Variants in WBP2NL observed in about 807,000 individuals in gnomAD.
WBP2NL encodes postacrosomal sheath WW domain-binding protein.
A neutral mutation model predicts 23.3 loss-of-function variants in WBP2NL; 27 were observed. That is an observed-to-expected ratio of 1.16 (90% CI 0.85 to 1.60). The LOEUF is 1.60. Ranked by LOEUF, WBP2NL falls within the 40% of genes most tolerant of loss-of-function variation. The pLI is 0.00. For synonymous variants in WBP2NL, 151 were observed against 145.9 expected (o/e 1.03, Z -0.25); for missense variants, 370 against 389.5 (o/e 0.95, Z 0.42).
chr22:42,056,911 C>G (rs755807502), intron 8 of WBP2NL, among the ~76,000 whole-genome samples: 6 of 152,068 alleles, frequency 3.9e-5, no homozygotes, highest in Non-Finnish European at 7.4e-5. Flanking sequence ...TCCATGGTTT[C>G]TGATGAGAAG....
chr22:42,008,762 C>G (rs934218673), intron 1 of WBP2NL, among the ~76,000 whole-genome samples: 2 of 151,702 alleles, frequency 1.3e-5, no homozygotes, highest in African/African-American at 4.9e-5. Flanking sequence ...TGCCCACCAC[C>G]ACACCTGGCT....
At chr22:41,999,919 C>T (rs1374075110) in intron 1 of WBP2NL, among the ~76,000 whole-genome samples, 1 of 152,178 alleles carries the variant, frequency 6.6e-6, no homozygotes, top group Non-Finnish European at 1.5e-5. Context: ...CAGAGGGGTG[C>T]CCATCTCCAC....
intron 1 of WBP2NL, 140 bp downstream of exon 1, chr22:41,999,020 GGGAGCGC>G: frequency 9.8e-7 from 1 of 1,016,222 alleles, no homozygotes; most frequent in Non-Finnish European, 1.4e-6. Context: ...CCCGACCTTT[GGGAGCGC>G]GCGCCCCTCA....
downstream of WBP2NL, among the ~76,000 whole-genome samples, chr22:42,036,189 C>A (rs1190848187): frequency 6.9e-6 from 1 of 145,158 alleles, no homozygotes; most frequent in Admixed American, 6.8e-5. Context: ...TTTTTTTTTT[C>A]TTTGAGACCA....
chr22:42,029,490 A>G (rs1267082485), downstream of WBP2NL, among the ~76,000 whole-genome samples: 2 of 151,516 alleles, frequency 1.3e-5, no homozygotes, highest in Non-Finnish European at 2.9e-5. Context: ...TCGTGCCTCA[A>G]CCTCCTGAGT....
intron 8 of WBP2NL, among the ~76,000 whole-genome samples, chr22:42,048,506 C>A (rs1414461522): frequency 6.6e-6 from 1 of 151,972 alleles, no homozygotes; most frequent in Admixed American, 6.6e-5. Flanking sequence ...CCTGTAATCC[C>A]AGCACTCTGG....
At chr22:42,030,818 G>A (rs1429758084), downstream of WBP2NL, 1 of 152,262 alleles carries the variant, frequency 6.6e-6, no homozygotes, top group Non-Finnish European at 1.5e-5. Flanking sequence ...CTGCTGGAAT[G>A]TGATGGTAAG....
chr22:42,010,538 CT>C (rs1301280978), intron 1 of WBP2NL, among the ~76,000 whole-genome samples: 1 of 151,776 alleles, frequency 6.6e-6, no homozygotes, highest in African/African-American at 2.4e-5. Context: ...CTTTTCTTTT[CT>C]TTTTTTTCTT....
chr22:42,013,752 G>A (rs1923049891), intron 1 of WBP2NL, among the ~76,000 whole-genome samples: 1 of 151,880 alleles, frequency 6.6e-6, no homozygotes, highest in Non-Finnish European at 1.5e-5. Flanking sequence ...TGGGGCTACT[G>A]ATGCATGCCA....
At chr22:42,056,506 T>C (rs1926036238) in intron 8 of WBP2NL, among the ~76,000 whole-genome samples, 1 of 152,194 alleles carries the variant, frequency 6.6e-6, no homozygotes, top group South Asian at 2.1e-4. Flanking sequence ...AAGTTACTAG[T>C]TTCCTTCCAT....
intron 1 of WBP2NL, among the ~76,000 whole-genome samples, chr22:42,010,519 A>G (rs1447202267): frequency 1.3e-5 from 2 of 151,994 alleles, no homozygotes; most frequent in African/African-American, 4.8e-5. Context: ...TCATGAAAAT[A>G]TATTGAACCT....
downstream of WBP2NL, among the ~76,000 whole-genome samples, chr22:42,034,714 G>A (rs1479590560): frequency 6.6e-5 from 10 of 151,590 alleles, no homozygotes; most frequent in South Asian, 4.1e-4. Context: ...GGTACGCCCC[G>A]GGGGGGCCAG....
intron 8 of WBP2NL, among the ~76,000 whole-genome samples, chr22:42,047,931 T>C (rs1212348034): frequency 6.6e-6 from 1 of 151,862 alleles, no homozygotes; most frequent in Admixed American, 6.6e-5. Context: ...CTAAAACCAG[T>C]CAATATATTT....
chr22:42,021,101 G>A (rs56851180), intron 4 of WBP2NL, among the ~76,000 whole-genome samples: 1 of 150,176 alleles, frequency 6.7e-6, no homozygotes, highest in South Asian at 2.1e-4. Flanking sequence ...TGTATTTTTA[G>A]TAGAGACGGG....
intron 1 of WBP2NL, among the ~76,000 whole-genome samples, chr22:42,013,823 C>T (rs1219389436): frequency 6.6e-6 from 1 of 151,852 alleles, no homozygotes; most frequent in Non-Finnish European, 1.5e-5. Flanking sequence ...CTCTGTTGCC[C>T]AGACTGGAGT....
At chr22:42,006,404 TA>T (rs1922256499) in intron 1 of WBP2NL, among the ~76,000 whole-genome samples, 1 of 152,130 alleles carries the variant, frequency 6.6e-6, no homozygotes, top group African/African-American at 2.4e-5. Context: ...GTATTTTTAG[TA>T]GAGACTAAAC....
In WBP2NL at chr22:42,022,234, A is replaced by G. The variant is rs761864187; in HGVS notation, c.407-15A>G. 3 of 1,613,580 alleles carry G rather than the reference A, an allele frequency of 1.9e-6. 1 individual carries two copies. Among genetic ancestry groups the G allele is most frequent in the South Asian group, 2.2e-5 (2 of 91,082 alleles). On this transcript the variant is annotated splice_polypyrimidine_tract_variant and intron_variant, in intron 4 of 5. Coordinates refer to ENST00000328823, the MANE Select transcript of WBP2NL (RefSeq NM_152613.3). ...AATTAAAAGAGTTCCTATTTTGCCA[A>G]ATTTGTCTTTCCAGCTGCCCGAGGA...
At chr22:42,025,289 G>A (rs1019230259) in intron 5 of WBP2NL, among the ~76,000 whole-genome samples, 2 of 152,152 alleles carry the variant, frequency 1.3e-5, no homozygotes, top group African/African-American at 2.4e-5. Flanking sequence ...GGCCCAGGAT[G>A]GCTTTGAATG....
At chr22:42,008,116 C>CCTTTCCTTTCCTTTCCTTTCCTTTG (rs1569446610) in intron 1 of WBP2NL, among the ~76,000 whole-genome samples, 3 of 105,784 alleles carry the variant, frequency 2.8e-5, no homozygotes, top group African/African-American at 7.0e-5. Context: ...CCTTTCCTTT[C>CCTTTCCTTTCCTTTCCTTTCCTTTG]CTTTGCTTTC....
Sources: allele counts gnomAD v4.1 joint callset (sites outside exome capture counted in the v4.1 genomes callset), GRCh38; gene constraint gnomAD v4.1.1; transcripts MANE v1.5; gene names NCBI Gene and HGNC (gene_info 2026-07-23, HGNC 2026-07-21).